The following TLL1 variants were observed in gnomAD, a reference collection of about 807,000 sequenced individuals.
TLL1 encodes the protein tolloid like 1.
TLL1 carries 49 observed loss-of-function variants against 128.2 expected under a neutral mutation model. That is an observed-to-expected ratio of 0.38 (90% CI 0.30 to 0.48). The LOEUF (loss-of-function observed/expected upper bound fraction) is 0.48. Ranked by LOEUF, TLL1 falls within the 20% of genes least tolerant of loss-of-function variation. TLL1 has a pLI of 0.96. For missense variants in TLL1, 1,123 were observed against 1,242.0 expected (o/e 0.90, Z 1.44); for synonymous variants, 454 against 418.8 (o/e 1.08, Z -1.03).
At chr4:166,002,812 G>T (rs953169410) in intron 5 of TLL1, among the ~76,000 whole-genome samples, 1 of 152,086 alleles carries the variant, frequency 6.6e-6, no homozygotes, top group Non-Finnish European at 1.5e-5. Flanking sequence ...TCTTCCATGA[G>T]TAGAAAAAGT....
At chr4:165,927,992 C>T (rs540021212) in intron 1 of TLL1, among the ~76,000 whole-genome samples, 29 of 152,124 alleles carry the variant, frequency 1.9e-4, no homozygotes, top group African/African-American at 5.8e-4. Context: ...GATGAGTAAG[C>T]GTCTCTCTGT....
intron 5 of TLL1, among the ~76,000 whole-genome samples, chr4:165,999,079 T>C (rs762897297): frequency 1.4e-4 from 22 of 152,238 alleles, no homozygotes; most frequent in Non-Finnish European, 7.4e-5. Context: ...CTATCAGCAT[T>C]TTGATCAAAA....
chr4:166,083,382 A>G (rs1170479110), intron 18 of TLL1, among the ~76,000 whole-genome samples: 1 of 123,420 alleles, frequency 8.1e-6, no homozygotes, highest in African/African-American at 2.5e-5. Context: ...TGTTTTGATC[A>G]TATTTGTGGG....
chr4:166,074,713 G>C (rs541989880), intron 16 of TLL1, among the ~76,000 whole-genome samples, 165 bp from the exon 17 acceptor site: 1 of 152,100 alleles, frequency 6.6e-6, no homozygotes, highest in South Asian at 2.1e-4. Flanking sequence ...ACAAGGAAAG[G>C]GTAAAACTAA....
At chr4:165,920,290 T>A (rs1732988267) in intron 1 of TLL1, among the ~76,000 whole-genome samples, 1 of 152,214 alleles carries the variant, frequency 6.6e-6, no homozygotes, top group Admixed American at 6.5e-5. Flanking sequence ...GCTTTATTTG[T>A]CAGGCAGAAA....
chr4:165,896,479 CTTTT>C (rs70955648), intron 1 of TLL1, among the ~76,000 whole-genome samples: 1 of 102,158 alleles, frequency 9.8e-6, no homozygotes, highest in Non-Finnish European at 2.0e-5. Flanking sequence ...AATGGTATTT[CTTTT>C]TTTTTTTTTT....
intron 1 of TLL1, among the ~76,000 whole-genome samples, chr4:165,886,578 C>T (rs186632602): frequency 5.5e-4 from 84 of 152,200 alleles, no homozygotes; most frequent in Non-Finnish European, 1.2e-3. Context: ...CAGCACCCCT[C>T]CAGGTAGCAA....
intron 16 of TLL1, among the ~76,000 whole-genome samples, chr4:166,067,349 G>A (rs931662030): frequency 2.0e-5 from 3 of 151,410 alleles, no homozygotes; most frequent in Non-Finnish European, 4.4e-5. Flanking sequence ...GATATTTTTG[G>A]TCAGAAAAAA....
At chr4:165,967,291 G>C (rs981561875) in intron 1 of TLL1, among the ~76,000 whole-genome samples, 1 of 152,048 alleles carries the variant, frequency 6.6e-6, no homozygotes, top group Non-Finnish European at 1.5e-5. Context: ...AACAATTTGT[G>C]CAGATAACAC....
chr4:166,070,216 A>G (rs902165381), intron 16 of TLL1, among the ~76,000 whole-genome samples: 1 of 151,910 alleles, frequency 6.6e-6, no homozygotes, highest in African/African-American at 2.4e-5. Context: ...GCATAGGTAT[A>G]CATGATGCAA....
At chr4:166,014,600 A>C (rs765727856) in intron 8 of TLL1, 40 bp downstream of exon 8, 26 of 1,608,032 alleles carry the variant, frequency 1.6e-5, no homozygotes, top group Non-Finnish European at 2.1e-5. Flanking sequence ...ACTGTACTTG[A>C]TTGTGCTCTT....
At chr4:166,054,188 G>A (rs961400494) in intron 12 of TLL1, among the ~76,000 whole-genome samples, 3 of 121,150 alleles carry the variant, frequency 2.5e-5, no homozygotes, top group African/African-American at 8.9e-5. Context: ...TATTTCCTTG[G>A]GAAAGGGAAA....
chr4:166,063,487 CGG>C (rs1740431791), intron 15 of TLL1, among the ~76,000 whole-genome samples: 1 of 152,228 alleles, frequency 6.6e-6, no homozygotes, highest in Admixed American at 6.5e-5. Context: ...CACCCCATTA[CGG>C]GGTATATACC....
intron 1 of TLL1, among the ~76,000 whole-genome samples, chr4:165,967,826 A>G (rs1236119200): frequency 1.3e-5 from 2 of 152,342 alleles, no homozygotes; most frequent in East Asian, 3.9e-4. Context: ...AGAGCAATGC[A>G]AAGCTGATGT....
intron 1 of TLL1, among the ~76,000 whole-genome samples, chr4:165,978,986 C>A (rs1414745735): frequency 6.6e-6 from 1 of 152,116 alleles, no homozygotes; most frequent in Non-Finnish European, 1.5e-5. Context: ...TACTTTGTAA[C>A]CTAGATCTAT....
chr4:166,013,070 T>A (rs529570511), intron 7 of TLL1, among the ~76,000 whole-genome samples: 56 of 151,908 alleles, frequency 3.7e-4, no homozygotes, highest in African/African-American at 1.3e-3. Context: ...TTTCTTGTTC[T>A]TTCTGTCTGG....
chr4:166,010,122 G>A (rs762017111), intron 7 of TLL1, among the ~76,000 whole-genome samples: 10 of 151,204 alleles, frequency 6.6e-5, no homozygotes, highest in Non-Finnish European at 1.3e-4. Flanking sequence ...TTTCCTCAAG[G>A]TTGATCTATG....
intron 5 of TLL1, among the ~76,000 whole-genome samples, chr4:166,002,256 A>G (rs1418758991): frequency 6.6e-6 from 1 of 152,038 alleles, no homozygotes; most frequent in African/African-American, 2.4e-5. Flanking sequence ...ATCTCTTCAT[A>G]AAGGCAGAGT....
chr4:166,086,260 T>A (rs80272503), intron 18 of TLL1, among the ~76,000 whole-genome samples: 8,697 of 152,178 alleles, frequency 0.057, 412 homozygotes, highest in African/African-American at 0.12. Flanking sequence ...TTATAGATTT[T>A]TATCGAGACT....
Sources: gnomAD v4.1 joint callset for allele counts (sites outside exome capture counted in the v4.1 genomes callset) on GRCh38, gnomAD v4.1.1 for gene constraint, MANE v1.5 for transcripts, NCBI Gene and HGNC (gene_info 2026-07-23, HGNC 2026-07-21) for gene names.